Variants in NDUFAF5 observed in about 807,000 individuals in gnomAD.
NDUFAF5 encodes the protein arginine-hydroxylase NDUFAF5, mitochondrial.
NDUFAF5 carries 34 observed loss-of-function variants against 48.9 expected under a neutral mutation model. That is an observed-to-expected ratio of 0.70 (90% confidence interval 0.53 to 0.93). The LOEUF is 0.93. Ranked by LOEUF, NDUFAF5 falls within the 40% of genes least tolerant of loss-of-function variation. The pLI, the probability that NDUFAF5 is intolerant of heterozygous loss-of-function variation, is 0.00. For synonymous variants in NDUFAF5, 153 were observed against 150.6 expected (o/e 1.02, Z -0.12); for missense variants, 428 against 427.5 (o/e 1.00, Z -0.01).
Position 13,785,080 on chromosome 20 carries a change from G to C in NDUFAF5, c.12G>C (p.Pro4=), listed in dbSNP as rs1468958634. Residue 4 remains proline (P), a synonymous_variant, in exon 1 of 11, where the codon CCG becomes CCC. Coordinates refer to ENST00000378106, the MANE Select transcript of NDUFAF5 (RefSeq NM_024120.5). The stretch of plus-strand genomic sequence containing the variant: ...GGTCGCAGCTGGAGATGCTGCGGCC[G>C]GCAGGGCTCTGGCGCTTATGTCGGC... The part of the protein sequence containing the change: MLR[P]AGLWRLCRRP... The C allele has an allele frequency of 2.5e-6, 4 of 1,611,906 alleles. No individual in the cohort carries two copies. Among genetic ancestry groups the C allele is most frequent in the African/African-American group, 1.3e-5 (1 of 75,030 alleles).
At chr20:13,804,832 A>C (rs991471161) in intron 7 of NDUFAF5, among the ~76,000 whole-genome samples, 2 of 152,212 alleles carry the variant, frequency 1.3e-5, no homozygotes, top group Non-Finnish European at 2.9e-5. Flanking sequence ...GGTTTATAGC[A>C]GGCCTGTTGG....
Position 13,814,098 on chromosome 20 carries a change from A to G in NDUFAF5, c.779-2365A>G, listed in dbSNP as rs1986190042. The G allele has an allele frequency of 1.8e-5, 4 of 223,146 alleles. No individual in the cohort carries two copies. The South Asian group carries it at 2.5e-4, about 14-fold the overall frequency. The allele number at this position is 223,146 out of a possible 1,614,324, so 13.8% of individuals were successfully genotyped here. A position where few individuals can be genotyped will look rare whatever the true frequency, so the allele number is the denominator to read the frequency against. On this transcript the variant is annotated intron_variant, in intron 8 of 10. Transcript: ENST00000378106. ...TTTTAATGTGTGAGGAAACCCAGGC[A>G]GAAGTTAAGTAACTTGTCCCAGATG...
chr20:13,796,588 C>G (rs1347527080), intron 5 of NDUFAF5, among the ~76,000 whole-genome samples: 1 of 152,136 alleles, frequency 6.6e-6, no homozygotes, highest in African/African-American at 2.4e-5. Flanking sequence ...TAAGGGGAGG[C>G]AGTTATACCA....
chr20:13,785,321 C>T (rs1453519285), intron 1 of NDUFAF5, 31 bp downstream of exon 1: 4 of 1,550,044 alleles, frequency 2.6e-6, no homozygotes, highest in South Asian at 1.2e-5. Context: ...GGCGGCGGGG[C>T]GGGCGACGCG....
chr20:13,790,546 T>C (rs1043573172), intron 3 of NDUFAF5, among the ~76,000 whole-genome samples: 1 of 152,230 alleles, frequency 6.6e-6, no homozygotes, highest in Non-Finnish European at 1.5e-5. Flanking sequence ...CCTTTGTCCC[T>C]GACAGTCTGT....
At chr20:13,810,789 G>GAGGC (rs1483480820) in intron 8 of NDUFAF5, among the ~76,000 whole-genome samples, 2 of 152,164 alleles carry the variant, frequency 1.3e-5, no homozygotes, top group Non-Finnish European at 2.9e-5. Context: ...GGTAAGGGGA[G>GAGGC]AGGCAAAGTT....
chr20:13,790,649 C>A (rs780966654), intron 3 of NDUFAF5, among the ~76,000 whole-genome samples: 3 of 152,150 alleles, frequency 2.0e-5, no homozygotes, highest in Non-Finnish European at 2.9e-5. Context: ...TAGTAGTAAT[C>A]CAGAGTCCTA....
intron 8 of NDUFAF5, among the ~76,000 whole-genome samples, chr20:13,813,565 A>AAG (rs1986124754): frequency 1.3e-5 from 2 of 152,228 alleles, no homozygotes; most frequent in Admixed American, 1.3e-4. Flanking sequence ...ACTAGGGAAG[A>AAG]AGAACGCAAA....
intron 5 of NDUFAF5, among the ~76,000 whole-genome samples, chr20:13,795,222 A>G (rs2030099176): frequency 6.6e-6 from 1 of 152,196 alleles, no homozygotes; most frequent in African/African-American, 2.4e-5. Flanking sequence ...AGTGCATCTT[A>G]ATATTTTGGA....
intron 8 of NDUFAF5, among the ~76,000 whole-genome samples, chr20:13,811,473 A>C (rs750169496): frequency 5.1e-4 from 78 of 151,758 alleles, no homozygotes; most frequent in Non-Finnish European, 1.8e-4. Flanking sequence ...GCAGTACTGG[A>C]GTGTAGAGGA....
At chr20:13,799,624 G>A (rs1318754613) in intron 6 of NDUFAF5, among the ~76,000 whole-genome samples, 1 of 151,842 alleles carries the variant, frequency 6.6e-6, no homozygotes, top group Non-Finnish European at 1.5e-5. Flanking sequence ...TCTTGAACAC[G>A]GGAGGCAGAG....
Position 13,808,873 on chromosome 20 carries a change from G to GA in NDUFAF5, c.751dup (p.Met251AsnfsTer3), listed in dbSNP as rs759940297. 6.3e-7 allele frequency: 1 copy of GA among 1,596,506 alleles called. No homozygotes were observed. The highest frequency in any genetic ancestry group is 8.6e-7 in the Non-Finnish European group (1 of 1,164,224). ...GATGAAATTCAAGTTAACTATCCTG[G>GA]AATGTTTGAATTGATGGAAGATTTA... is the stretch of plus-strand genomic sequence containing the variant. On this transcript the variant is annotated frameshift_variant, in exon 8 of 11. Coordinates refer to ENST00000378106, the MANE Select transcript of NDUFAF5 (RefSeq NM_024120.5). LOFTEE classifies it high-confidence loss of function.
intron 3 of NDUFAF5, among the ~76,000 whole-genome samples, chr20:13,790,167 A>G (rs1300950827): frequency 6.6e-6 from 1 of 152,190 alleles, no homozygotes; most frequent in African/African-American, 2.4e-5. Flanking sequence ...AGAGAAACCC[A>G]TCAGAAGGCT....
intron 4 of NDUFAF5, among the ~76,000 whole-genome samples, chr20:13,794,015 G>A (rs1034113984): frequency 6.6e-6 from 1 of 152,096 alleles, no homozygotes; most frequent in Non-Finnish European, 1.5e-5. Flanking sequence ...TTTATTCTAG[G>A]TGATTTGTAA....
intron 7 of NDUFAF5, 179 bp downstream of exon 7, chr20:13,801,862 A>C: frequency 1.7e-6 from 1 of 591,352 alleles, no homozygotes; most frequent in East Asian, 2.9e-5. Flanking sequence ...AACACATCTT[A>C]ATTGACACAA....
chr20:13,790,215 G>C (rs1982047236), intron 3 of NDUFAF5, among the ~76,000 whole-genome samples: 1 of 152,190 alleles, frequency 6.6e-6, no homozygotes, highest in Non-Finnish European at 1.5e-5. Context: ...ATAAAGGCCT[G>C]CCACCCATGC....
chr20:13,816,381 A>G (rs2147627331), intron 8 of NDUFAF5, 82 bp from the exon 9 acceptor site: 1 of 909,148 alleles, frequency 1.1e-6, no homozygotes, highest in East Asian at 2.4e-5. Context: ...ATACTGTTAG[A>G]TGAGACGGGA....
Position 13,817,130 on chromosome 20 carries a change from G to A in NDUFAF5, c.958G>A (p.Glu320Lys). 6.2e-7 allele frequency: 1 copy of A among 1,613,862 alleles called. No homozygotes were observed. The highest frequency in any genetic ancestry group is 1.1e-5 in the South Asian group (1 of 91,050). ...KYHESQARPA[E>K]RGSATVSFGE... Reference sequence around the variant, plus strand: ...TTATTATTTTCAGGCAAGACCAGCTGAAAGAGGTTCCGCAACTGTGTCATT... The same window carrying A: ...TTATTATTTTCAGGCAAGACCAGCTAAAAGAGGTTCCGCAACTGTGTCATT... The change falls in exon 11 of 11, where the codon GAA (glutamate) becomes AAA (lysine). Residue 320 changes from glutamate to lysine, a missense_variant. Glu to Lys is a moderately conservative substitution (Grantham distance 56, BLOSUM62 1). Transcript: ENST00000378106.
rs1433216972 is a variant in NDUFAF5, at chr20:13,820,888, TAAG to T, written c.*3681_*3683del. 3 of 152,180 alleles carry T rather than the reference TAAG, an allele frequency of 2.0e-5. No homozygotes were observed. Among genetic ancestry groups the T allele is most frequent in the Admixed American group, 6.5e-5 (1 of 15,268 alleles). 9.4% of individuals were successfully genotyped at this position (152,180 alleles called of 1,614,324 possible). A position where few individuals can be genotyped will look rare whatever the true frequency, so the allele number is the denominator to read the frequency against. On this transcript the variant is annotated 3_prime_UTR_variant, in exon 11 of 11. Transcript: ENST00000378106. Reference sequence around the variant, plus strand: ...TAAGTTACCATTAGCCTCTCTTGCTTAAGAAATATTTTGAGCTTTTTTGGGGAG... The same window carrying T: ...TAAGTTACCATTAGCCTCTCTTGCTTAAATATTTTGAGCTTTTTTGGGGAG...
Sources: gnomAD v4.1 joint callset for allele counts (sites outside exome capture counted in the v4.1 genomes callset) on GRCh38, gnomAD v4.1.1 for gene constraint, MANE v1.5 for transcripts, NCBI Gene and HGNC (gene_info 2026-07-23, HGNC 2026-07-21) for gene names.